Variants in ADAMTS3 observed in about 807,000 individuals in gnomAD.
The protein encoded by ADAMTS3 is A disintegrin and metalloproteinase with thrombospondin motifs 3.
A neutral mutation model predicts 129.0 loss-of-function variants in ADAMTS3; 73 were observed. The ratio of observed to expected loss-of-function variants is 0.57; its 90% CI spans 0.47 to 0.69. The LOEUF (loss-of-function observed/expected upper bound fraction) is 0.69, where lower values mean the gene tolerates loss of function less well. ADAMTS3 is among the 30% of genes least tolerant of loss of function. The pLI is 0.00. For missense variants in ADAMTS3, 1,457 were observed against 1,514.5 expected (o/e 0.96, Z 0.63); for synonymous variants, 477 against 510.8 (o/e 0.93, Z 0.89).
At chr4:72,367,150 T>G (rs986804110) in intron 4 of ADAMTS3, among the ~76,000 whole-genome samples, 5 of 152,312 alleles carry the variant, frequency 3.3e-5, no homozygotes, top group African/African-American at 1.2e-4. Flanking sequence ...AATTCCACAT[T>G]GTACAGCTCA....
chr4:72,491,865 A>C (rs1348950564), intron 3 of ADAMTS3, among the ~76,000 whole-genome samples: 3 of 151,776 alleles, frequency 2.0e-5, no homozygotes, highest in African/African-American at 7.2e-5. Context: ...CTTTTAATAA[A>C]ATTCACCTAT....
chr4:72,453,242 G>C (rs1227800355), intron 3 of ADAMTS3, among the ~76,000 whole-genome samples: 3 of 151,756 alleles, frequency 2.0e-5, no homozygotes, highest in African/African-American at 7.2e-5. Context: ...ACTAATCTTT[G>C]ATAATATTTC....
chr4:72,470,957 C>T (rs949773311), intron 3 of ADAMTS3, among the ~76,000 whole-genome samples: 4 of 152,110 alleles, frequency 2.6e-5, no homozygotes, highest in Admixed American at 2.6e-4. Context: ...CCACTTCTAT[C>T]GCATACCAAA....
chr4:72,323,280 A>T, intron 5 of ADAMTS3, 183 bp from the exon 6 acceptor site: 1 of 578,608 alleles, frequency 1.7e-6, no homozygotes, highest in Non-Finnish European at 3.1e-6. Context: ...GTGGATATGT[A>T]AATTGCTAAT....
At chr4:72,346,565 T>G (rs1720290422) in intron 4 of ADAMTS3, among the ~76,000 whole-genome samples, 1 of 152,138 alleles carries the variant, frequency 6.6e-6, no homozygotes, top group South Asian at 2.1e-4. Flanking sequence ...TGATTTCATT[T>G]CAGTGGTTTA....
intron 4 of ADAMTS3, among the ~76,000 whole-genome samples, chr4:72,395,541 T>C (rs1209359125): frequency 6.6e-6 from 1 of 152,202 alleles, no homozygotes; most frequent in Non-Finnish European, 1.5e-5. Context: ...AAAAAATTTA[T>C]ATTTTATCCA....
Position 72,400,100 on chromosome 4 carries a change from TATATGCACACATGGTGTGTATATAC to T in ADAMTS3, c.661+14690_661+14714del, listed in dbSNP as rs1472172960. On this transcript the variant is annotated intron_variant, in intron 4 of 21. Transcript: ENST00000286657. ...CACATGGTGTGTATATACGTGTGTATATATGCACACATGGTGTGTATATACGTGTGTATATATGCACACATGGTGT... is the reference window on the plus strand; with the variant it reads ...CACATGGTGTGTATATACGTGTGTATGTGTGTATATATGCACACATGGTGT... Among the ~76,000 whole-genome samples, 61 of 64,074 alleles carry T rather than the reference TATATGCACACATGGTGTGTATATAC, an allele frequency of 9.5e-4. 1 individual carries two copies. The highest frequency in any genetic ancestry group is 1.4e-3 in the Non-Finnish European group (36 of 25,628). The allele number at this position is 64,074 out of a possible 152,430, so 42.0% of individuals were successfully genotyped here.
intron 4 of ADAMTS3, among the ~76,000 whole-genome samples, chr4:72,372,027 A>G (rs1004840416): frequency 6.6e-6 from 1 of 152,156 alleles, no homozygotes; most frequent in African/African-American, 2.4e-5. Context: ...CATAAACCAT[A>G]TTGTCAAAGA....
Position 72,472,854 on chromosome 4 carries a change from T to C in ADAMTS3, c.505-57883A>G, listed in dbSNP as rs77804959. ...GCACGAACTTTGGCTAGCATTTGTT[T>C]CATGTTAAGACACAAGTCAATCTGA... is the stretch of plus-strand genomic sequence containing the variant. On this transcript the variant is annotated intron_variant, in intron 3 of 21. Coordinates refer to ENST00000286657, the MANE Select transcript of ADAMTS3 (RefSeq NM_014243.3). 3.5e-3 allele frequency among the ~76,000 whole-genome samples: 536 copies of C among 152,278 alleles called. 21 individuals carry two copies. The East Asian group carries it at 0.096, about 27-fold the overall frequency.
At chr4:72,567,477 C>T in intron 1 of ADAMTS3, 76 bp from the exon 2 acceptor site, 1 of 1,460,548 alleles carries the variant, frequency 6.8e-7, no homozygotes, top group Non-Finnish European at 9.5e-7. Flanking sequence ...TTATTTCTAC[C>T]ATTAATGGTT....
chr4:72,302,362 G>A (rs1384183667), intron 17 of ADAMTS3, among the ~76,000 whole-genome samples: 4 of 150,600 alleles, frequency 2.7e-5, no homozygotes, highest in South Asian at 2.1e-4. Context: ...CATCGGATAC[G>A]AAAAATTTAC....
chr4:72,514,123 T>C (rs955404303), intron 3 of ADAMTS3, among the ~76,000 whole-genome samples: 1 of 152,108 alleles, frequency 6.6e-6, no homozygotes, highest in Non-Finnish European at 1.5e-5. Flanking sequence ...CTCAATTTAA[T>C]TGGTGTAACA....
chr4:72,497,885 G>A (rs1273492748), intron 3 of ADAMTS3, among the ~76,000 whole-genome samples: 1 of 152,048 alleles, frequency 6.6e-6, no homozygotes, highest in Non-Finnish European at 1.5e-5. Flanking sequence ...AGATAAGTCA[G>A]TTATCTGTGC....
At position 72,356,511 on chromosome 4, in the gene ADAMTS3, C is replaced by T. The variant is rs112612992; in HGVS notation, c.662-16818G>A. Among the ~76,000 whole-genome samples the T allele has an allele frequency of 1.3e-4, 19 of 151,854 alleles. 2 individuals carry two copies. Among genetic ancestry groups the T allele is most frequent in the African/African-American group, 4.6e-4 (19 of 41,472 alleles). On this transcript the variant is annotated intron_variant, in intron 4 of 21. Coordinates refer to ENST00000286657, the MANE Select transcript of ADAMTS3 (RefSeq NM_014243.3). Reference sequence around the variant, plus strand: ...TCAATACTCACTGTGCTTTCACAGTCTTCCATAGACACGTACAAAGTGGAA... The same window carrying T: ...TCAATACTCACTGTGCTTTCACAGTTTTCCATAGACACGTACAAAGTGGAA...
chr4:72,469,604 C>T (rs1261752491), intron 3 of ADAMTS3, among the ~76,000 whole-genome samples: 3 of 152,226 alleles, frequency 2.0e-5, no homozygotes, highest in Non-Finnish European at 2.9e-5. Flanking sequence ...CCTGCTCCTT[C>T]CAAGCACAGG....
intron 3 of ADAMTS3, among the ~76,000 whole-genome samples, chr4:72,466,155 A>G (rs539686932): frequency 6.6e-6 from 1 of 152,228 alleles, no homozygotes; most frequent in Non-Finnish European, 1.5e-5. Flanking sequence ...TCCTTCTGAC[A>G]CTGTGATGAA....
At chr4:72,286,074 G>A (rs548364848) in intron 21 of ADAMTS3, among the ~76,000 whole-genome samples, 2 of 152,208 alleles carry the variant, frequency 1.3e-5, no homozygotes, top group South Asian at 2.1e-4. Context: ...AACTAAAAGG[G>A]ATATGAAATC....
intron 2 of ADAMTS3, among the ~76,000 whole-genome samples, chr4:72,557,122 A>G (rs1348014320): frequency 6.6e-6 from 1 of 151,930 alleles, no homozygotes; most frequent in African/African-American, 2.4e-5. Flanking sequence ...ATAAATTCTC[A>G]GTATGCAATA....
chr4:72,451,789 G>T lies in ADAMTS3; in HGVS notation c.505-36818C>A, dbSNP rs541683665. Among the ~76,000 whole-genome samples, 3 of 151,824 alleles carry T rather than the reference G, an allele frequency of 2.0e-5. No homozygotes were observed. The South Asian group carries it at 6.2e-4, about 31-fold the overall frequency. On this transcript the variant is annotated intron_variant, in intron 3 of 21. Transcript: ENST00000286657. ...GAAGCATTATTGGAGATTTTAAATT[G>T]TTAAACAATAGCTTTAAAGTTTGGA... is the stretch of plus-strand genomic sequence containing the variant.
Sources: allele counts gnomAD v4.1 joint callset (sites outside exome capture counted in the v4.1 genomes callset), GRCh38; gene constraint gnomAD v4.1.1; transcripts MANE v1.5; gene names NCBI Gene and HGNC (gene_info 2026-07-23, HGNC 2026-07-21).